The following CDC40 variants were observed in gnomAD, a reference collection of about 807,000 sequenced individuals.
The protein encoded by CDC40 is pre-mRNA-processing factor 17.
Under a neutral mutation model 80.6 loss-of-function variants are expected in CDC40, and 27 were observed. The observed-to-expected ratio is 0.33, with a 90% CI of 0.25 to 0.46. The LOEUF (loss-of-function observed/expected upper bound fraction) is 0.46. Among genes scored for constraint, CDC40 ranks in the 20% least tolerant of loss-of-function variants. The pLI is 1.00. For synonymous variants in CDC40, 221 were observed against 232.6 expected (o/e 0.95, Z 0.45); for missense variants, 486 against 694.1 (o/e 0.70, Z 3.37).
chr6:110,226,508 A>G (rs1777862417), intron 13 of CDC40, among the ~76,000 whole-genome samples: 1 of 152,076 alleles, frequency 6.6e-6, no homozygotes, highest in Non-Finnish European at 1.5e-5. Flanking sequence ...ATTTTTATTT[A>G]ACAATCAGTT....
intron 2 of CDC40, among the ~76,000 whole-genome samples, chr6:110,197,445 CTT>C (rs1412429242): frequency 1.3e-5 from 2 of 152,088 alleles, no homozygotes; most frequent in African/African-American, 4.8e-5. Flanking sequence ...GGTGAGAACA[CTT>C]AAAATCTACT....
chr6:110,224,695 T>G (rs954422806), intron 12 of CDC40, among the ~76,000 whole-genome samples: 3 of 152,124 alleles, frequency 2.0e-5, no homozygotes, highest in African/African-American at 7.2e-5. Context: ...AGCCATGTTG[T>G]GTTTATTAAA....
Position 110,180,555 on chromosome 6 carries a change from C to T in CDC40, c.111C>T (p.Leu37=). The T allele has an allele frequency of 6.2e-7, 1 of 1,614,210 alleles. No individual in the cohort carries two copies. The highest frequency in any genetic ancestry group is 8.5e-7 in the Non-Finnish European group (1 of 1,180,034). ...GTCCGCTGCCAGCCGCCGACTCCCT[C>T]ATGCACTTGACTAAATCGCCTTCAT... ...SRCPLPAADS[L]MHLTKSPSSK... The change falls in exon 1 of 15, where the codon CTC becomes CTT. Residue 37 remains leucine (L), a synonymous_variant. Coordinates refer to ENST00000307731, the MANE Select transcript of CDC40 (RefSeq NM_015891.3).
intron 2 of CDC40, 113 bp downstream of exon 2, chr6:110,193,381 G>T: frequency 1.6e-6 from 1 of 629,280 alleles, no homozygotes; most frequent in Non-Finnish European, 2.9e-6. Context: ...TACTATTTAA[G>T]TTTTTAGAAA....
chr6:110,214,199 A>C (rs1005118932), intron 8 of CDC40, among the ~76,000 whole-genome samples: 3 of 152,138 alleles, frequency 2.0e-5, no homozygotes, highest in Non-Finnish European at 4.4e-5. Context: ...TTTTACTTTT[A>C]CTTTGTACAA....
intron 2 of CDC40, 144 bp downstream of exon 2, chr6:110,193,412 GT>G (rs902103179): frequency 2.4e-3 from 1,204 of 501,876 alleles, no homozygotes; most frequent in South Asian, 3.3e-3. Flanking sequence ...CTTTTTTGTT[GT>G]TTTTTTTTTG....
intron 12 of CDC40, among the ~76,000 whole-genome samples, chr6:110,223,807 G>GTTTTA (rs1432481248): frequency 1.2e-5 from 1 of 82,612 alleles, no homozygotes; most frequent in Admixed American, 1.3e-4. Context: ...GTAGGGTTTT[G>GTTTTA]TTTTGTTTTG....
In CDC40 at chr6:110,219,742, A is replaced by G. The variant is rs769358205; in HGVS notation, c.1213A>G (p.Ile405Val). 3 of 1,613,832 alleles carry G rather than the reference A, an allele frequency of 1.9e-6. No individual in the cohort carries two copies. In the East Asian group the frequency reaches 6.7e-5, roughly 36 times the overall value. Residue 405 changes from isoleucine (I) to valine (V), a missense_variant, in exon 12 of 15, where the codon ATT becomes GTT. Ile to Val is a conservative substitution (Grantham distance 29). Transcript: ENST00000307731. Reference sequence around the variant, plus strand: ...TTTCTTGCCTGATACACAGTGGGACATTCGAAGTGGAGAAATTGTGCAGGA... The same window carrying G: ...TTTCTTGCCTGATACACAGTGGGACGTTCGAAGTGGAGAAATTGTGCAGGA... ...MSDKKIVQWD[I>V]RSGEIVQEYD... is the part of the protein sequence containing the mutation.
At chr6:110,215,414 C>A in intron 9 of CDC40, 83 bp downstream of exon 9, 1 of 1,051,670 alleles carries the variant, frequency 9.5e-7, no homozygotes, top group Non-Finnish European at 1.5e-6. Context: ...TTTACTACAC[C>A]GATAGGAAGT....
intron 3 of CDC40, among the ~76,000 whole-genome samples, chr6:110,206,773 C>A (rs770075078): frequency 6.6e-6 from 1 of 152,122 alleles, no homozygotes; most frequent in Non-Finnish European, 1.5e-5. Context: ...ATTTGATAAA[C>A]TTAGCCCTGC....
chr6:110,188,978 G>A (rs1777310625), intron 1 of CDC40, among the ~76,000 whole-genome samples: 1 of 152,162 alleles, frequency 6.6e-6, no homozygotes, highest in African/African-American at 2.4e-5. Flanking sequence ...AACTCATAAG[G>A]ATTTTATAAT....
intron 12 of CDC40, among the ~76,000 whole-genome samples, chr6:110,220,368 C>T (rs1777752587): frequency 6.9e-6 from 1 of 145,892 alleles, no homozygotes; most frequent in Admixed American, 6.9e-5. Context: ...GGGCAATTTA[C>T]AAAAGAAAGG....
chr6:110,182,959 G>C lies in CDC40; in HGVS notation c.189+2326G>C, dbSNP rs540794132. On this transcript the variant is annotated intron_variant, in intron 1 of 14. Coordinates refer to ENST00000307731, the MANE Select transcript of CDC40 (RefSeq NM_015891.3). The stretch of plus-strand genomic sequence containing the variant: ...ATGTTGTCCAATGGGTGATTTCTAA[G>C]TTTTTTTGGTAGCATGTGAGTCCTG... Among the ~76,000 whole-genome samples the C allele has an allele frequency of 1.1e-4, 16 of 152,248 alleles. No homozygotes were observed. In the South Asian group the frequency reaches 1.9e-3, roughly 18 times the overall value.
chr6:110,212,547 G>C (rs1209231262), intron 7 of CDC40, among the ~76,000 whole-genome samples: 39 of 152,196 alleles, frequency 2.6e-4, no homozygotes, highest in Admixed American at 2.6e-3. Context: ...TCCTGCTACA[G>C]TCTTCTTCCT....
intron 7 of CDC40, 100 bp downstream of exon 7, chr6:110,212,372 G>A: frequency 8.2e-7 from 1 of 1,225,558 alleles, no homozygotes; most frequent in East Asian, 2.4e-5. Context: ...TTCTGGTAAA[G>A]GTACAGGGAA....
chr6:110,188,562 C>T (rs1012785323), intron 1 of CDC40, among the ~76,000 whole-genome samples: 1 of 152,108 alleles, frequency 6.6e-6, no homozygotes, highest in Non-Finnish European at 1.5e-5. Flanking sequence ...TGTTCATCAC[C>T]CATCTTCAGA....
chr6:110,215,566 C>T (rs562492811), intron 9 of CDC40, among the ~76,000 whole-genome samples: 8 of 152,264 alleles, frequency 5.3e-5, no homozygotes, highest in Admixed American at 2.0e-4. Context: ...GATCCACGTA[C>T]ATTTCAGGAT....
rs754476180 is a variant in CDC40, at chr6:110,180,486, G to C, written c.42G>C (p.Ser14=). 1 of 1,614,170 alleles carries C rather than the reference G, an allele frequency of 6.2e-7. No individual in the cohort carries two copies. The highest frequency in any genetic ancestry group is 8.5e-7 in the Non-Finnish European group (1 of 1,180,036). Residue 14 remains serine (S), a synonymous_variant, in exon 1 of 15, where the codon TCG becomes TCC. Coordinates refer to ENST00000307731, the MANE Select transcript of CDC40 (RefSeq NM_015891.3). Reference sequence around the variant, plus strand: ...CAGCTCTGGCCGCTTCCTATGGTTCGGGTTCAGGGTCCGAATCGGACTCGG... The same window carrying C: ...CAGCTCTGGCCGCTTCCTATGGTTCCGGTTCAGGGTCCGAATCGGACTCGG... ...AIAALAASYG[S]GSGSESDSDS... is the part of the protein sequence containing the mutation.
chr6:110,193,126 C>G, intron 1 of CDC40, 56 bp from the exon 2 acceptor site: 1 of 1,081,464 alleles, frequency 9.2e-7, no homozygotes, highest in Non-Finnish European at 1.4e-6. Context: ...AATGTGGCTT[C>G]TAAAATAAAA....
Sources: gnomAD v4.1 joint callset for allele counts (sites outside exome capture counted in the v4.1 genomes callset) on GRCh38, gnomAD v4.1.1 for gene constraint, MANE v1.5 for transcripts, NCBI Gene and HGNC (gene_info 2026-07-23, HGNC 2026-07-21) for gene names.